The following RANBP2 variants were observed in gnomAD, a reference collection of about 807,000 sequenced individuals.
RANBP2 encodes the protein E3 SUMO-protein ligase RanBP2.
In RANBP2, 57 loss-of-function variants were observed where a neutral mutation model predicts 303.6. The observed-to-expected ratio is 0.19, with a 90% CI of 0.15 to 0.23. The LOEUF is 0.23. Ranked by LOEUF, RANBP2 falls within the 10% of genes least tolerant of loss-of-function variation. The pLI is 1.00. For missense variants in RANBP2, 3,138 were observed against 3,780.8 expected (o/e 0.83, Z 4.46); for synonymous variants, 1,167 against 1,301.5 (o/e 0.90, Z 2.23).
the RANBP2 span, among the ~76,000 whole-genome samples, chr2:109,282,162 A>G: frequency 2.0e-5 from 3 of 151,934 alleles, no homozygotes; most frequent in African/African-American, 4.8e-5. Flanking sequence ...TTGATGATGG[A>G]TAGCAGCTAT....
the RANBP2 span, chr2:108,791,589 G>C: frequency 7.0e-7 from 1 of 1,436,390 alleles, no homozygotes. Flanking sequence ...TCTCAGTTAT[G>C]CTGTTAATAT....
chr2:109,209,520 C>A, the RANBP2 span, among the ~76,000 whole-genome samples: 1 of 152,088 alleles, frequency 6.6e-6, no homozygotes, highest in Admixed American at 6.5e-5. Context: ...GCAAGGGAGG[C>A]GAGAACTGTG....
the RANBP2 span, among the ~76,000 whole-genome samples, chr2:109,681,231 T>C: frequency 6.6e-6 from 1 of 152,074 alleles, no homozygotes; most frequent in Non-Finnish European, 1.5e-5. Context: ...AAACTACTAA[T>C]GTATGAAGTT....
In RANBP2 at chr2:108,730,847, T is replaced by A. The variant is rs1695112153; in HGVS notation, c.214T>A (p.Leu72Met). 6.2e-7 allele frequency: 1 copy of A among 1,611,518 alleles called. No homozygotes were observed. The highest frequency in any genetic ancestry group is 1.3e-5 in the African/African-American group (1 of 74,842). ...CAGATTTCTGGGTCTTCTTTATGAA[T>A]TGGAAGAAAACACAGACAAAGCCGT... ...AHRFLGLLYE[L>M]EENTDKAVEC... The change falls in exon 3 of 29, where the codon TTG becomes ATG. Residue 72 changes from leucine to methionine, a missense_variant. By Grantham distance (15) the Leu-to-Met change is conservative (BLOSUM62 2). Around this residue, in one of 20 missense-constraint regions of RANBP2, gnomAD observed 306 missense variants for 381.9 expected, o/e 0.80. Coordinates refer to ENST00000283195, the MANE Select transcript of RANBP2 (RefSeq NM_006267.5).
the RANBP2 span, chr2:109,574,797 C>T: frequency 4.7e-6 from 7 of 1,483,402 alleles, no homozygotes; most frequent in South Asian, 8.5e-5. Flanking sequence ...TTTAATACAA[C>T]ATTATTTGTG....
the RANBP2 span, among the ~76,000 whole-genome samples, chr2:109,692,345 G>A: frequency 2.0e-5 from 3 of 152,238 alleles, no homozygotes; most frequent in Non-Finnish European, 2.9e-5. Flanking sequence ...CATCTCCTTG[G>A]GGTAATAAAG....
chr2:109,451,341 T>C, the RANBP2 span, among the ~76,000 whole-genome samples: 204 of 152,298 alleles, frequency 1.3e-3, no homozygotes, highest in African/African-American at 4.1e-3. Context: ...GGATTCACAG[T>C]CCTACCCTCT....
At chr2:108,855,313 T>A in the RANBP2 span, among the ~76,000 whole-genome samples, 4 of 152,170 alleles carry the variant, frequency 2.6e-5, no homozygotes, top group Non-Finnish European at 5.9e-5. Flanking sequence ...TACCATATAG[T>A]AGTCAGCCTA....
the RANBP2 span, among the ~76,000 whole-genome samples, chr2:108,998,405 A>G: frequency 2.0e-5 from 3 of 152,104 alleles, no homozygotes; most frequent in Admixed American, 2.0e-4. Context: ...TTAAGCTTTG[A>G]TTCTTGTATT....
chr2:109,534,537 T>A, the RANBP2 span, among the ~76,000 whole-genome samples: 1 of 152,196 alleles, frequency 6.6e-6, no homozygotes, highest in Non-Finnish European at 1.5e-5. Flanking sequence ...CCCAGCACTT[T>A]GGGAGGCCGA....
At chr2:109,433,237 T>C in the RANBP2 span, among the ~76,000 whole-genome samples, 1 of 152,262 alleles carries the variant, frequency 6.6e-6, no homozygotes, top group South Asian at 2.1e-4. Context: ...ACGTGTGATA[T>C]GTAAAACACT....
the RANBP2 span, among the ~76,000 whole-genome samples, chr2:108,970,693 C>A: frequency 6.6e-6 from 1 of 152,054 alleles, no homozygotes; most frequent in South Asian, 2.1e-4. Flanking sequence ...GACAGAAAAA[C>A]CATAAGGTAG....
chr2:109,123,503 G>A, the RANBP2 span, among the ~76,000 whole-genome samples: 3 of 151,942 alleles, frequency 2.0e-5, no homozygotes, highest in Non-Finnish European at 2.9e-5. Context: ...GCCTATATGC[G>A]GATGAATTCA....
the RANBP2 span, among the ~76,000 whole-genome samples, chr2:109,674,500 G>A: frequency 1.3e-5 from 2 of 151,054 alleles, no homozygotes; most frequent in Non-Finnish European, 2.9e-5. Flanking sequence ...GGGATTGCTT[G>A]AGCCCAGAAG....
the RANBP2 span, among the ~76,000 whole-genome samples, chr2:108,973,734 T>A: frequency 6.6e-6 from 1 of 152,182 alleles, no homozygotes. Flanking sequence ...ACCTGGAAAT[T>A]TTTTGGCTGG....
the RANBP2 span, among the ~76,000 whole-genome samples, chr2:109,764,168 G>A: frequency 6.7e-6 from 1 of 150,228 alleles, no homozygotes; most frequent in Non-Finnish European, 1.5e-5. Flanking sequence ...CCAGTTTCTG[G>A]TTTGAAGCAA....
the RANBP2 span, among the ~76,000 whole-genome samples, chr2:108,993,572 G>A: frequency 1.3e-4 from 20 of 152,298 alleles, no homozygotes; most frequent in South Asian, 3.9e-3. Context: ...TAGATACCGG[G>A]AGATGAAATG....
chr2:108,812,268 A>C, the RANBP2 span, among the ~76,000 whole-genome samples: 2 of 152,280 alleles, frequency 1.3e-5, no homozygotes, highest in East Asian at 3.9e-4. Context: ...CCAGTAATGC[A>C]ATCCCAGTTA....
At chr2:108,847,128 C>T in the RANBP2 span, among the ~76,000 whole-genome samples, 88 of 152,300 alleles carry the variant, frequency 5.8e-4, no homozygotes, top group African/African-American at 2.0e-3. Flanking sequence ...TTCTTGCCTC[C>T]TCCCAAGAGG....
Sources: gnomAD v4.1 joint callset for allele counts (sites outside exome capture counted in the v4.1 genomes callset) on GRCh38, gnomAD v4.1.1 for gene constraint, gnomAD v4.1.1 regional missense constraint, MANE v1.5 for transcripts, NCBI Gene and HGNC (gene_info 2026-07-23, HGNC 2026-07-21) for gene names.